The following HOMER1 variants were observed in gnomAD, a reference collection of about 807,000 sequenced individuals.
HOMER1 encodes homer protein homolog 1.
Under a neutral mutation model 48.9 loss-of-function variants are expected in HOMER1, and 3 were observed. The ratio of observed to expected loss-of-function variants is 0.06; its 90% CI spans 0.03 to 0.16. The LOEUF (loss-of-function observed/expected upper bound fraction) is 0.16. HOMER1 is among the 10% of genes least tolerant of loss of function. The pLI is 1.00. For missense variants in HOMER1, 247 were observed against 411.4 expected (o/e 0.60, Z 3.46); for synonymous variants, 134 against 146.4 (o/e 0.92, Z 0.61).
intron 2 of HOMER1, among the ~76,000 whole-genome samples, 174 bp downstream of exon 2, chr5:79,456,688 A>C (rs1316728984): frequency 6.6e-6 from 1 of 152,250 alleles, no homozygotes; most frequent in East Asian, 1.9e-4. Flanking sequence ...GTGGTTAGTC[A>C]TTTAGTGGAC....
intron 8 of HOMER1, among the ~76,000 whole-genome samples, chr5:79,393,074 T>C (rs535748330): frequency 3.9e-5 from 6 of 152,232 alleles, no homozygotes; most frequent in African/African-American, 1.4e-4. Context: ...AAAATTTCTG[T>C]ATTATTCTTG....
At chr5:79,437,738 G>A (rs1361303543) in intron 5 of HOMER1, among the ~76,000 whole-genome samples, 1 of 152,094 alleles carries the variant, frequency 6.6e-6, no homozygotes, top group Non-Finnish European at 1.5e-5. Flanking sequence ...CTGCAGCCTT[G>A]GATTCCCAGG....
At chr5:79,427,420 G>A (rs939579998) in intron 5 of HOMER1, among the ~76,000 whole-genome samples, 3 of 151,798 alleles carry the variant, frequency 2.0e-5, no homozygotes, top group Non-Finnish European at 2.9e-5. Flanking sequence ...GCAGAGTCTC[G>A]CTCTGTCACC....
In HOMER1 at chr5:79,478,340, C is replaced by T. The variant is rs556725728; in HGVS notation, c.6-21322G>A. Among the ~76,000 whole-genome samples, 3 of 152,168 alleles carry T rather than the reference C, an allele frequency of 2.0e-5. 1 individual carries two copies. Among genetic ancestry groups the T allele is most frequent in the African/African-American group, 7.2e-5 (3 of 41,516 alleles). On this transcript the variant is annotated intron_variant, in intron 1 of 8. Transcript: ENST00000334082. ...TGTAACATGCCAAAACTTAAATTGG[C>T]CAATGAAAATTTTGCTGGATGGTTC...
chr5:79,394,649 C>T (rs965798603), intron 8 of HOMER1, among the ~76,000 whole-genome samples: 2 of 152,174 alleles, frequency 1.3e-5, no homozygotes, highest in Non-Finnish European at 2.9e-5. Flanking sequence ...GTGATCATAG[C>T]TCACTGCAAC....
intron 1 of HOMER1, among the ~76,000 whole-genome samples, chr5:79,469,057 A>G (rs1414170162): frequency 6.6e-6 from 1 of 152,202 alleles, no homozygotes; most frequent in Non-Finnish European, 1.5e-5. Context: ...CATCTCATAT[A>G]TCCAATTCTA....
chr5:79,508,114 G>T (rs1338343985), intron 1 of HOMER1, among the ~76,000 whole-genome samples: 3 of 152,170 alleles, frequency 2.0e-5, no homozygotes, highest in Non-Finnish European at 4.4e-5. Flanking sequence ...AATTGTAAAT[G>T]ATTTTTAAAA....
At chr5:79,431,101 T>A (rs1478906406) in intron 5 of HOMER1, among the ~76,000 whole-genome samples, 1 of 151,976 alleles carries the variant, frequency 6.6e-6, no homozygotes, top group East Asian at 1.9e-4. Flanking sequence ...GAAGCCAAGG[T>A]GGGCGGATCA....
intron 6 of HOMER1, among the ~76,000 whole-genome samples, chr5:79,400,735 AC>A (rs1385195200): frequency 7.0e-6 from 1 of 142,892 alleles, no homozygotes; most frequent in Non-Finnish European, 1.5e-5. Context: ...AAAAAAAAAA[AC>A]TTCTTCTTTT....
intron 8 of HOMER1, among the ~76,000 whole-genome samples, chr5:79,391,502 T>C (rs1420207226): frequency 6.6e-6 from 1 of 151,298 alleles, no homozygotes; most frequent in Non-Finnish European, 1.5e-5. Flanking sequence ...CCCAGCACTT[T>C]GGGAGGCCGA....
chr5:79,421,009 T>C (rs1750083215), intron 5 of HOMER1, among the ~76,000 whole-genome samples: 10 of 152,212 alleles, frequency 6.6e-5, no homozygotes, highest in Non-Finnish European at 1.5e-5. Flanking sequence ...TATATATGTA[T>C]ACAACATGCC....
chr5:79,436,459 T>C (rs1750586435), intron 5 of HOMER1, among the ~76,000 whole-genome samples: 1 of 152,230 alleles, frequency 6.6e-6, no homozygotes, highest in Admixed American at 6.5e-5. Flanking sequence ...TAATGAACTA[T>C]GTGACTTACG....
chr5:79,449,093 G>GT (rs1244929751), intron 3 of HOMER1, among the ~76,000 whole-genome samples: 1 of 152,122 alleles, frequency 6.6e-6, no homozygotes, highest in Non-Finnish European at 1.5e-5. Flanking sequence ...CTTGAAAGAT[G>GT]TAACGAAGAA....
At chr5:79,379,083 T>TATATATAG (rs1748857738) in intron 8 of HOMER1, among the ~76,000 whole-genome samples, 1 of 49,608 alleles carries the variant, frequency 2.0e-5, no homozygotes, top group African/African-American at 2.9e-4. Context: ...TTTGTCCATA[T>TATATATAG]ATATATATAT....
intron 1 of HOMER1, among the ~76,000 whole-genome samples, chr5:79,474,684 G>A (rs1294310812): frequency 6.6e-6 from 1 of 151,950 alleles, no homozygotes; most frequent in East Asian, 1.9e-4. Flanking sequence ...TGCTACATCT[G>A]TTCATCTTTT....
At chr5:79,378,224 A>T (rs937773152) in intron 8 of HOMER1, among the ~76,000 whole-genome samples, 16 of 135,504 alleles carry the variant, frequency 1.2e-4, no homozygotes, top group African/African-American at 3.6e-4. Context: ...CTCTGTCTCA[A>T]AAAAAAAAAA....
chr5:79,468,570 C>T (rs1751538181), intron 1 of HOMER1, among the ~76,000 whole-genome samples: 1 of 152,166 alleles, frequency 6.6e-6, no homozygotes, highest in Non-Finnish European at 1.5e-5. Flanking sequence ...CATCATATTT[C>T]TAGTGGAGAA....
At chr5:79,390,008 AGGCACGGT>A (rs1297620477) in intron 8 of HOMER1, among the ~76,000 whole-genome samples, 1 of 152,162 alleles carries the variant, frequency 6.6e-6, no homozygotes, top group Non-Finnish European at 1.5e-5. Context: ...AAACCAGGCC[AGGCACGGT>A]GGCTCATGCC....
intron 1 of HOMER1, among the ~76,000 whole-genome samples, chr5:79,465,462 C>T (rs1751430913): frequency 6.6e-6 from 1 of 151,320 alleles, no homozygotes; most frequent in South Asian, 2.1e-4. Context: ...ATTTTCATGA[C>T]ATTAAGTATT....
Sources: allele counts gnomAD v4.1 joint callset (sites outside exome capture counted in the v4.1 genomes callset), GRCh38; gene constraint gnomAD v4.1.1; transcripts MANE v1.5; gene names NCBI Gene and HGNC (gene_info 2026-07-23, HGNC 2026-07-21).